The following BEND7 variants were observed in gnomAD, a reference collection of about 807,000 sequenced individuals.
The protein encoded by BEND7 is BEN domain containing 7.
BEND7 carries 28 observed loss-of-function variants against 50.9 expected under a neutral mutation model. The observed-to-expected ratio is 0.55, with a 90% CI of 0.41 to 0.75. BEND7 has a LOEUF of 0.75. Among genes scored for constraint, BEND7 ranks in the 30% least tolerant of loss-of-function variants. The probability of loss-of-function intolerance (pLI) is 0.00; values close to 1 mark genes in which losing one functional copy is unlikely to be tolerated. For missense variants in BEND7, 477 were observed against 491.3 expected (o/e 0.97, Z 0.28); for synonymous variants, 170 against 183.9 (o/e 0.92, Z 0.61).
intron 6 of BEND7, among the ~76,000 whole-genome samples, chr10:13,464,972 G>A (rs960483536): frequency 6.6e-6 from 1 of 152,182 alleles, no homozygotes; most frequent in South Asian, 2.1e-4. Flanking sequence ...CAACTGAGAC[G>A]TGACCTTCCC....
At chr10:13,483,577 G>A (rs2076015512) in intron 5 of BEND7, among the ~76,000 whole-genome samples, 1 of 152,202 alleles carries the variant, frequency 6.6e-6, no homozygotes, top group African/African-American at 2.4e-5. Flanking sequence ...GCCACGCTGT[G>A]CTCAGCACAC....
chr10:13,516,425 C>A (rs1266858399), intron 2 of BEND7, among the ~76,000 whole-genome samples: 4 of 152,172 alleles, frequency 2.6e-5, no homozygotes, highest in Non-Finnish European at 5.9e-5. Context: ...GAGACTGCTA[C>A]CTATTAAAAT....
intron 6 of BEND7, among the ~76,000 whole-genome samples, chr10:13,457,749 C>T (rs1839302230): frequency 6.6e-6 from 1 of 152,162 alleles, no homozygotes; most frequent in Non-Finnish European, 1.5e-5. Flanking sequence ...ATTTTTGCTA[C>T]CTGAATCTAT....
In BEND7 at chr10:13,503,735, A is replaced by ACAAC. The variant is rs1554785030; in HGVS notation, c.146-3659_146-3656dup. Among the ~76,000 whole-genome samples the ACAAC allele has an allele frequency of 2.5e-3, 377 of 152,084 alleles. 1 individual carries two copies. The highest frequency in any genetic ancestry group is 8.9e-3 in the African/African-American group (368 of 41,512). On this transcript the variant is annotated intron_variant, in intron 2 of 8. Transcript: ENST00000466271. ...TCAAAACAAACAAACAAACAAACAA[A>ACAAC]CAACAACTAAAAGGATGGAACACAG...
In BEND7 at chr10:13,447,283, A is replaced by G. The variant is rs1254431201; in HGVS notation, c.1217T>C (p.Ile406Thr). 2.5e-6 allele frequency: 4 copies of G among 1,614,088 alleles called. No individual in the cohort carries two copies. Among genetic ancestry groups the G allele is most frequent in the Admixed American group, 1.7e-5 (1 of 60,008 alleles). Residue 406 changes from isoleucine to threonine, a missense_variant, in exon 8 of 9, where the codon ATT (isoleucine) becomes ACT (threonine). Physicochemically the swap from Ile to Thr is moderately conservative, Grantham distance 89. This residue lies in a region of BEND7 where 64 missense variants were observed against 68.5 expected (regional missense o/e 0.93). Transcript: ENST00000466271. ...TTATTTACCTGTTGGTGGTAGAGCA[A>G]TGCCGTCCAGTCTTTCATCACTGTC... ...IADSDERLDG[I>T]ALPPTVV
At chr10:13,516,222 G>A (rs1008439745) in intron 2 of BEND7, among the ~76,000 whole-genome samples, 3 of 152,212 alleles carry the variant, frequency 2.0e-5, no homozygotes, top group Non-Finnish European at 4.4e-5. Context: ...AAAAGATCAC[G>A]GAGGCAAAGG....
chr10:13,493,761 A>G (rs1026991061), intron 4 of BEND7, among the ~76,000 whole-genome samples: 2 of 152,196 alleles, frequency 1.3e-5, no homozygotes, highest in Non-Finnish European at 2.9e-5. Context: ...ACTCTCTTGG[A>G]AAGTGTAATT....
intron 6 of BEND7, among the ~76,000 whole-genome samples, chr10:13,469,546 G>A (rs187861703): frequency 1.6e-4 from 25 of 152,222 alleles, no homozygotes; most frequent in African/African-American, 5.5e-4. Flanking sequence ...GCGTGATCTC[G>A]GCTCACTGCA....
chr10:13,492,586 C>CA, intron 5 of BEND7, 25 bp downstream of exon 5: 1 of 1,612,352 alleles, frequency 6.2e-7, no homozygotes, highest in Non-Finnish European at 8.5e-7. Context: ...GCATTAGAGT[C>CA]AGCAGCCAGA....
chr10:13,523,992 G>C (rs555328229), intron 2 of BEND7, among the ~76,000 whole-genome samples: 4 of 152,198 alleles, frequency 2.6e-5, no homozygotes, highest in Admixed American at 6.5e-5. Flanking sequence ...CTTTGAAAGC[G>C]TATCTATCTC....
chr10:13,447,613 G>A (rs929576124), intron 7 of BEND7, among the ~76,000 whole-genome samples: 5 of 142,346 alleles, frequency 3.5e-5, no homozygotes, highest in Middle Eastern at 3.9e-3. Context: ...GCGCGATCTC[G>A]GCTCACTACA....
At chr10:13,459,444 G>C (rs1839758806) in intron 6 of BEND7, 1 of 152,196 alleles carries the variant, frequency 6.6e-6, no homozygotes, top group African/African-American at 2.4e-5. Flanking sequence ...TTTTCAAGGA[G>C]AAAGTGGAAA....
In BEND7 at chr10:13,528,584, AGCGGCAGCG is replaced by A. The variant is rs1213634778; in HGVS notation, c.-60_-52del. 17 of 25,472 alleles carry A rather than the reference AGCGGCAGCG, an allele frequency of 6.7e-4. No individual in the cohort carries two copies. In the East Asian group the frequency reaches 0.033, roughly 50 times the overall value. 1.6% of individuals were successfully genotyped at this position (25,472 alleles called of 1,614,324 possible). A position where few individuals can be genotyped will look rare whatever the true frequency, so the allele number is the denominator to read the frequency against. On this transcript the variant is annotated 5_prime_UTR_variant, in exon 1 of 9. Coordinates refer to ENST00000466271, the MANE Select transcript of BEND7 (RefSeq NM_001369863.1). ...CTGAGGAGGCGGCGGCAGCGGCGGC[AGCGGCAGCG>A]GCGGCAGCGGCAGCGGCGGCGCGGG...
In BEND7 at chr10:13,500,526, C is replaced by G. The variant is rs539271326; in HGVS notation, c.146-446G>C. On this transcript the variant is annotated intron_variant, in intron 2 of 8. Transcript: ENST00000466271. ...TCTGCTCACTGTCTGTCAGCTTCAC[C>G]AGGCGGGGCAAGGACAAGGAAGAAA... is the stretch of plus-strand genomic sequence containing the variant. The G allele has an allele frequency of 2.2e-4, 220 of 991,006 alleles. No homozygotes were observed. The African/African-American group carries it at 3.7e-3, about 17-fold the overall frequency. 61.4% of individuals were successfully genotyped at this position (991,006 alleles called of 1,614,324 possible). A position where few individuals can be genotyped will look rare whatever the true frequency, so the allele number is the denominator to read the frequency against.
chr10:13,518,719 T>C (rs12569691), intron 2 of BEND7, among the ~76,000 whole-genome samples: 30,076 of 152,232 alleles, frequency 0.2, 3,039 homozygotes, highest in Middle Eastern at 0.23. Flanking sequence ...AAATTTCTAC[T>C]CTAGTATGTT....
chr10:13,511,957 T>C (rs1399288321), intron 2 of BEND7, among the ~76,000 whole-genome samples: 1 of 152,138 alleles, frequency 6.6e-6, no homozygotes, highest in African/African-American at 2.4e-5. Context: ...CAAGCCGGTG[T>C]CCAGGGAGCT....
intron 5 of BEND7, among the ~76,000 whole-genome samples, chr10:13,482,986 T>C: frequency 6.6e-6 from 1 of 152,228 alleles, no homozygotes; most frequent in East Asian, 1.9e-4. Flanking sequence ...CTATGCTGCA[T>C]TTAGAACTTT....
intron 1 of BEND7, among the ~76,000 whole-genome samples, chr10:13,527,189 T>C (rs1251649358): frequency 6.6e-6 from 1 of 152,114 alleles, no homozygotes; most frequent in Non-Finnish European, 1.5e-5. Context: ...CAGAGACTTT[T>C]AAAAGTCCAA....
chr10:13,507,619 T>C (rs1368771213), intron 2 of BEND7, among the ~76,000 whole-genome samples: 1 of 152,204 alleles, frequency 6.6e-6, no homozygotes, highest in Non-Finnish European at 1.5e-5. Context: ...GGTAGGACAT[T>C]GTTCTTTATC....
Sources: allele counts gnomAD v4.1 joint callset (sites outside exome capture counted in the v4.1 genomes callset), GRCh38; gene constraint gnomAD v4.1.1; regional missense constraint gnomAD v4.1.1; transcripts MANE v1.5; gene names NCBI Gene and HGNC (gene_info 2026-07-23, HGNC 2026-07-21).